Variants in PSMB7 observed in about 807,000 individuals in gnomAD.
The protein encoded by PSMB7 is proteasome subunit beta type-7.
PSMB7 carries 5 observed loss-of-function variants against 28.1 expected under a neutral mutation model. That is an observed-to-expected ratio of 0.18 (90% CI 0.09 to 0.37). The LOEUF is 0.37. Among genes scored for constraint, PSMB7 ranks in the 10% least tolerant of loss-of-function variants. PSMB7 has a pLI of 1.00. For synonymous variants in PSMB7, 122 were observed against 123.7 expected (o/e 0.99, Z 0.09); for missense variants, 275 against 346.2 (o/e 0.79, Z 1.63).
chr9:124,398,450 A>G (rs1381472142), intron 5 of PSMB7: 1 of 353,412 alleles, frequency 2.8e-6, no homozygotes, highest in Admixed American at 4.2e-5. Context: ...CATTCTCTGT[A>G]AAGAGCTCCT....
chr9:124,412,220 T>G, intron 4 of PSMB7, 132 bp downstream of exon 4: 1 of 993,542 alleles, frequency 1.0e-6, no homozygotes, highest in Non-Finnish European at 1.5e-6. Flanking sequence ...CTCTTTAATA[T>G]AACAACTGAT....
chr9:124,400,331 C>T (rs1055048857), intron 5 of PSMB7, among the ~76,000 whole-genome samples: 5 of 152,234 alleles, frequency 3.3e-5, no homozygotes, highest in Admixed American at 6.5e-5. Context: ...GGGAGACAAG[C>T]GTCCTTGTAT....
chr9:124,393,089 TCTC>T (rs1350823375), intron 5 of PSMB7, among the ~76,000 whole-genome samples: 1 of 152,156 alleles, frequency 6.6e-6, no homozygotes, highest in Non-Finnish European at 1.5e-5. Context: ...CAAGGCCTCA[TCTC>T]CTAGTACTGG....
chr9:124,403,659 T>C (rs535193593), intron 5 of PSMB7, among the ~76,000 whole-genome samples: 2 of 152,306 alleles, frequency 1.3e-5, no homozygotes, highest in East Asian at 3.9e-4. Context: ...ATATACGTTA[T>C]TTCCAACCAT....
At chr9:124,414,974 AC>A in intron 1 of PSMB7, 39 bp from the exon 2 acceptor site, 3 of 1,381,320 alleles carry the variant, frequency 2.2e-6, no homozygotes, top group African/African-American at 1.4e-5. Flanking sequence ...GAAGGGCAGG[AC>A]CACATCGCAC....
intron 5 of PSMB7, among the ~76,000 whole-genome samples, chr9:124,397,560 A>G (rs1262698665): frequency 1.3e-5 from 2 of 152,236 alleles, no homozygotes; most frequent in Non-Finnish European, 2.9e-5. Flanking sequence ...TGGGTAGACA[A>G]AATTTAGACA....
chr9:124,374,098 G>A (rs1186992871), intron 6 of PSMB7, among the ~76,000 whole-genome samples: 1 of 152,114 alleles, frequency 6.6e-6, no homozygotes, highest in Admixed American at 6.5e-5. Flanking sequence ...CTACAACACG[G>A]GTGAAATATT....
intron 6 of PSMB7, among the ~76,000 whole-genome samples, chr9:124,375,593 G>C (rs1830602820): frequency 6.6e-6 from 1 of 152,050 alleles, no homozygotes; most frequent in Non-Finnish European, 1.5e-5. Flanking sequence ...TAAAAATCTG[G>C]AGAAGTGAGT....
Position 124,353,477 on chromosome 9 carries a change from T to G in PSMB7, c.*121A>C, listed in dbSNP as rs2131134711. On this transcript the variant is annotated 3_prime_UTR_variant, in exon 8 of 8. Transcript: ENST00000259457. ...CAGTGCCCAGACCTCAGCTGCCCAA[T>G]TTGGTTTTTGTTTTTTATTGAGTTG... is the stretch of plus-strand genomic sequence containing the variant. 7 of 747,690 alleles carry G rather than the reference T, an allele frequency of 9.4e-6. No homozygotes were observed. Among genetic ancestry groups the G allele is most frequent in the East Asian group, 2.6e-5 (1 of 38,138 alleles). The allele number at this position is 747,690 out of a possible 1,614,324, so 46.3% of individuals were successfully genotyped here.
chr9:124,391,305 T>C (rs929515047), intron 5 of PSMB7, among the ~76,000 whole-genome samples: 5 of 152,216 alleles, frequency 3.3e-5, no homozygotes, highest in Non-Finnish European at 7.3e-5. Flanking sequence ...CTTTCTGAAT[T>C]TAAAGTGTGC....
At chr9:124,355,425 C>T (rs995979011) in intron 7 of PSMB7, among the ~76,000 whole-genome samples, 2 of 152,238 alleles carry the variant, frequency 1.3e-5, no homozygotes, top group Admixed American at 1.3e-4. Flanking sequence ...AACCACTTCT[C>T]ACTGGCCCAG....
At chr9:124,360,380 C>T (rs1447241552) in intron 6 of PSMB7, among the ~76,000 whole-genome samples, 2 of 152,228 alleles carry the variant, frequency 1.3e-5, no homozygotes, top group African/African-American at 4.8e-5. Context: ...TGACCTAGGG[C>T]CTGGGCAGCA....
chr9:124,375,969 T>G (rs936713078), intron 6 of PSMB7, among the ~76,000 whole-genome samples: 2 of 152,144 alleles, frequency 1.3e-5, no homozygotes, highest in African/African-American at 4.8e-5. Context: ...ACAGAGGCAT[T>G]TGGATCAAGA....
At chr9:124,408,116 T>C (rs963847279) in intron 4 of PSMB7, among the ~76,000 whole-genome samples, 2 of 152,148 alleles carry the variant, frequency 1.3e-5, no homozygotes, top group African/African-American at 2.4e-5. Flanking sequence ...TCATCCACCA[T>C]GCACTGCCTT....
At chr9:124,355,287 T>C (rs1298489998) in intron 7 of PSMB7, among the ~76,000 whole-genome samples, 2 of 152,240 alleles carry the variant, frequency 1.3e-5, no homozygotes, top group East Asian at 3.9e-4. Context: ...AAGGCGGTTT[T>C]CTTTTGTTCT....
chr9:124,357,058 G>C, intron 6 of PSMB7, 143 bp from the exon 7 acceptor site: 1 of 982,614 alleles, frequency 1.0e-6, no homozygotes, highest in Non-Finnish European at 1.5e-6. Context: ...ATGAGGAAAA[G>C]ATCTCAAAGT....
At chr9:124,383,608 AT>A (rs1830690232) in intron 6 of PSMB7, 1 of 152,180 alleles carries the variant, frequency 6.6e-6, no homozygotes, top group Non-Finnish European at 1.5e-5. Flanking sequence ...AGAACAAAAT[AT>A]TTTTAATAAG....
intron 6 of PSMB7, among the ~76,000 whole-genome samples, chr9:124,368,377 C>CT (rs1390234147): frequency 6.6e-6 from 1 of 152,182 alleles, no homozygotes; most frequent in African/African-American, 2.4e-5. Context: ...AAATATATTG[C>CT]TTAAATTATG....
chr9:124,357,035 G>A (rs1387696195), intron 6 of PSMB7, 120 bp from the exon 7 acceptor site: 45 of 1,089,388 alleles, frequency 4.1e-5, no homozygotes, highest in Non-Finnish European at 5.9e-5. Flanking sequence ...TGTTTTTAAT[G>A]CCCATCTCAC....
Sources: gnomAD v4.1 joint callset for allele counts (sites outside exome capture counted in the v4.1 genomes callset) on GRCh38, gnomAD v4.1.1 for gene constraint, MANE v1.5 for transcripts, NCBI Gene and HGNC (gene_info 2026-07-23, HGNC 2026-07-21) for gene names.